The following CHRM1 variants were observed in gnomAD, a reference collection of about 807,000 sequenced individuals.
The protein encoded by CHRM1 is muscarinic acetylcholine receptor M1.
A neutral mutation model predicts 31.6 loss-of-function variants in CHRM1; 5 were observed. That is an observed-to-expected ratio of 0.16 (90% CI 0.08 to 0.33). The LOEUF (loss-of-function observed/expected upper bound fraction) is 0.33, where lower values mean the gene tolerates loss of function less well. CHRM1 is among the 10% of genes least tolerant of loss of function. CHRM1 has a pLI of 1.00. For synonymous variants in CHRM1, 227 were observed against 249.7 expected (o/e 0.91, Z 0.86); for missense variants, 338 against 610.3 (o/e 0.55, Z 4.70).
intron 1 of CHRM1, among the ~76,000 whole-genome samples, chr11:62,915,143 C>G (rs890219725): frequency 7.0e-6 from 1 of 143,366 alleles, no homozygotes; most frequent in Non-Finnish European, 1.5e-5. Context: ...CCACTGCACT[C>G]CAGCCTGGGT....
Position 62,920,011 on chromosome 11 carries a change from C to T in CHRM1, c.-79+1207G>A, listed in dbSNP as rs375411824. On this transcript the variant is annotated intron_variant, in intron 1 of 1. Coordinates refer to ENST00000306960, the MANE Select transcript of CHRM1 (RefSeq NM_000738.3). The stretch of plus-strand genomic sequence containing the variant: ...AACTCCAACCGCCAGCTGTCAGCTG[C>T]GAGCCAAGACCCACATCTTCTGCAG... Among the ~76,000 whole-genome samples, 6 of 152,322 alleles carry T rather than the reference C, an allele frequency of 3.9e-5. No individual in the cohort carries two copies. The East Asian group carries it at 7.7e-4, about 20-fold the overall frequency.
intron 1 of CHRM1, among the ~76,000 whole-genome samples, chr11:62,916,053 A>G (rs1942499): frequency 0.34 from 51,200 of 151,832 alleles, 8,964 homozygotes; most frequent in South Asian, 0.5. Context: ...CAGGTGATCC[A>G]CCTGCCTCGG....
chr11:62,913,911 C>G (rs182518639), intron 1 of CHRM1, among the ~76,000 whole-genome samples: 1 of 150,184 alleles, frequency 6.7e-6, no homozygotes, highest in African/African-American at 2.5e-5. Flanking sequence ...GTTGCGCGAT[C>G]TCGGCTCACT....
At chr11:62,920,048 A>G (rs1051243338) in intron 1 of CHRM1, among the ~76,000 whole-genome samples, 4 of 151,962 alleles carry the variant, frequency 2.6e-5, no homozygotes, top group African/African-American at 4.8e-5. Context: ...CCATTTCACT[A>G]TCTCCTTCCC....
chr11:62,909,579 C>T lies in CHRM1; in HGVS notation c.*139G>A. On this transcript the variant is annotated 3_prime_UTR_variant, in exon 2 of 2. Transcript: ENST00000306960. ...GGAAAGTTGGCAGGGTCTCTCTGGG[C>T]TGCCCAGGAAGGTGACCCAGGGTCC... 9.5e-7 allele frequency: 1 copy of T among 1,049,808 alleles called. No homozygotes were observed. Among genetic ancestry groups the T allele is most frequent in the Non-Finnish European group, 1.4e-6 (1 of 726,244 alleles). The allele number at this position is 1,049,808 out of a possible 1,614,324, so 65.0% of individuals were successfully genotyped here. A position where few individuals can be genotyped will look rare whatever the true frequency, so the allele number is the denominator to read the frequency against.
At position 62,909,530 on chromosome 11, in the gene CHRM1, C is replaced by T; in HGVS notation, c.*188G>A. 1 of 663,362 alleles carries T rather than the reference C, an allele frequency of 1.5e-6. No individual in the cohort carries two copies. Among genetic ancestry groups the T allele is most frequent in the Non-Finnish European group, 2.5e-6 (1 of 396,638 alleles). 41.1% of individuals were successfully genotyped at this position (663,362 alleles called of 1,614,324 possible). A position where few individuals can be genotyped will look rare whatever the true frequency, so the allele number is the denominator to read the frequency against. ...AAAAACCAGTTCCCCGGGTTTCCCT[C>T]CCTGCCTGGGAATAGCGAAGTCTGG... On this transcript the variant is annotated 3_prime_UTR_variant, in exon 2 of 2. Coordinates refer to ENST00000306960, the MANE Select transcript of CHRM1 (RefSeq NM_000738.3).
chr11:62,910,183 C>A lies in CHRM1; in HGVS notation c.918G>T (p.Met306Ile). The A allele has an allele frequency of 6.2e-7, 1 of 1,602,880 alleles. No individual in the cohort carries two copies. The highest frequency in any genetic ancestry group is 1.1e-5 in the South Asian group (1 of 88,992). Reference sequence around the variant, plus strand: ...TGGGGGCCTGTGCCTCGGGGTCCACCATTGGCATCTTGATCACCACTTCGG... The same window carrying A: ...TGGGGGCCTGTGCCTCGGGGTCCACAATTGGCATCTTGATCACCACTTCGG... ...PGSEVVIKMP[M>I]VDPEAQAPTK... Residue 306 changes from methionine (M) to isoleucine (I), a missense_variant, in exon 2 of 2, where the codon ATG becomes ATT. Transcript: ENST00000306960. The surrounding 1 kb of genome is among the most constrained non-coding windows in gnomAD (Gnocchi z 8.7).
Position 62,910,353 on chromosome 11 carries a change from C to G in CHRM1, c.748G>C (p.Gly250Arg). 6.2e-7 allele frequency: 1 copy of G among 1,609,774 alleles called. No individual in the cohort carries two copies. The highest frequency in any genetic ancestry group is 8.5e-7 in the Non-Finnish European group (1 of 1,179,970). Residue 250 changes from glycine to arginine, a missense_variant, in exon 2 of 2, where the codon GGC becomes CGC. By Grantham distance (125) the Gly-to-Arg change is moderately radical (BLOSUM62 -2). Around this residue, in one of 4 missense-constraint regions of CHRM1, gnomAD observed 183 missense variants for 223.4 expected, o/e 0.82. Coordinates refer to ENST00000306960, the MANE Select transcript of CHRM1 (RefSeq NM_000738.3). This position sits in a 1 kb window ranked among gnomAD's most constrained non-coding sequence, Gnocchi z 8.7. ...CGGCCTGGAGGAGTCTCTGGTGAGC[C>G]CTCAGCCCCTGGCTGAGACCTCTCT... ...SSERSQPGAEGSPETPPGRCC... is the reference protein window; with the variant it reads ...SSERSQPGAERSPETPPGRCC...
At chr11:62,918,836 G>A (rs1383550234) in intron 1 of CHRM1, among the ~76,000 whole-genome samples, 1 of 152,156 alleles carries the variant, frequency 6.6e-6, no homozygotes, top group Non-Finnish European at 1.5e-5. Flanking sequence ...AAAGGGAAAT[G>A]GGGAGAGGGA....
intron 1 of CHRM1, among the ~76,000 whole-genome samples, chr11:62,913,047 G>T (rs2085880423): frequency 6.6e-6 from 1 of 152,112 alleles, no homozygotes; most frequent in Non-Finnish European, 1.5e-5. Flanking sequence ...ACTGTGGCTG[G>T]CAGTGTGTGC....
Position 62,910,891 on chromosome 11 carries a change from A to G in CHRM1, c.210T>C (p.Ala70=), listed in dbSNP as rs143485653. Residue 70 remains alanine, a synonymous_variant, in exon 2 of 2, where the codon GCT becomes GCC. Coordinates refer to ENST00000306960, the MANE Select transcript of CHRM1 (RefSeq NM_000738.3). This position sits in a 1 kb window ranked among gnomAD's most constrained non-coding sequence, Gnocchi z 8.7. ...TGGAGAAGGTACCGATGATGAGGTCAGCACAGGCCAGGCTCAGCAGGAAGT... is the reference window on the plus strand; with the variant it reads ...TGGAGAAGGTACCGATGATGAGGTCGGCACAGGCCAGGCTCAGCAGGAAGT... ...NNYFLLSLAC[A]DLIIGTFSMN... 3 of 1,614,072 alleles carry G rather than the reference A, an allele frequency of 1.9e-6. No homozygotes were observed. The highest frequency in any genetic ancestry group is 2.5e-6 in the Non-Finnish European group (3 of 1,180,044).
At chr11:62,917,770 C>A (rs2085908375) in intron 1 of CHRM1, among the ~76,000 whole-genome samples, 1 of 152,146 alleles carries the variant, frequency 6.6e-6, no homozygotes, top group Non-Finnish European at 1.5e-5. Flanking sequence ...ATCACTAATA[C>A]TCCTTACACA....
At chr11:62,912,977 C>T (rs527686492) in intron 1 of CHRM1, among the ~76,000 whole-genome samples, 1 of 152,314 alleles carries the variant, frequency 6.6e-6, no homozygotes, top group Admixed American at 6.5e-5. Context: ...GCCGTGAACC[C>T]TCAGTGTGTA....
Position 62,910,711 on chromosome 11 carries a change from G to A in CHRM1, c.390C>T (p.Pro130=), listed in dbSNP as rs1304718114. ...SFDRYFSVTR[P]LSYRAKRTPR... ...GTGTGCGCTTGGCACGGTAGCTCAG[G>A]GGCCGAGTCACGGAGAAGTAGCGGT... is the stretch of plus-strand genomic sequence containing the variant. Residue 130 remains proline, a synonymous_variant, in exon 2 of 2, where the codon CCC becomes CCT. Coordinates refer to ENST00000306960, the MANE Select transcript of CHRM1 (RefSeq NM_000738.3). This position sits in a 1 kb window ranked among gnomAD's most constrained non-coding sequence, Gnocchi z 8.7. 3 of 1,614,170 alleles carry A rather than the reference G, an allele frequency of 1.9e-6. No individual in the cohort carries two copies. The highest frequency in any genetic ancestry group is 1.1e-5 in the South Asian group (1 of 91,084).
intron 1 of CHRM1, among the ~76,000 whole-genome samples, chr11:62,917,121 T>G (rs909694476): frequency 1.3e-5 from 2 of 152,216 alleles, no homozygotes; most frequent in Non-Finnish European, 2.9e-5. Context: ...TGTCCAAGTC[T>G]CCTTAACTGT....
At position 62,909,551 on chromosome 11, in the gene CHRM1, T is replaced by A; in HGVS notation, c.*167A>T. The A allele has an allele frequency of 1.3e-6, 1 of 767,400 alleles. No individual in the cohort carries two copies. The highest frequency in any genetic ancestry group is 2.1e-6 in the Non-Finnish European group (1 of 482,534). The allele number at this position is 767,400 out of a possible 1,614,324, so 47.5% of individuals were successfully genotyped here. On this transcript the variant is annotated 3_prime_UTR_variant, in exon 2 of 2. Coordinates refer to ENST00000306960, the MANE Select transcript of CHRM1 (RefSeq NM_000738.3). ...CCCTCCCTGCCTGGGAATAGCGAAG[T>A]CTGGAAAGTTGGCAGGGTCTCTCTG...
At chr11:62,917,360 C>T (rs1313177912) in intron 1 of CHRM1, among the ~76,000 whole-genome samples, 1 of 152,182 alleles carries the variant, frequency 6.6e-6, no homozygotes, top group African/African-American at 2.4e-5. Context: ...TTGCAGGGCA[C>T]GTCCTGTGAA....
rs1417086479 is a variant in CHRM1, at chr11:62,909,656, C to T, written c.*62G>A. On this transcript the variant is annotated 3_prime_UTR_variant, in exon 2 of 2. Transcript: ENST00000306960. ...GGCCCTGGGGCTGAGGATGCAGCCC[C>T]TGCCCTCTTCCCACCGGCCTTTCCC... 2.5e-6 allele frequency: 4 copies of T among 1,570,802 alleles called. No homozygotes were observed. In the African/African-American group the frequency reaches 4.0e-5, roughly 16 times the overall value.
intron 1 of CHRM1, chr11:62,920,888 G>A (rs994704994): frequency 6.6e-6 from 1 of 152,138 alleles, no homozygotes; most frequent in Non-Finnish European, 1.5e-5. Flanking sequence ...CCCCTAGGGT[G>A]TTGGGGGTTC....
Sources: gnomAD v4.1 joint callset for allele counts (sites outside exome capture counted in the v4.1 genomes callset) on GRCh38, gnomAD v4.1.1 for gene constraint, gnomAD v4.1.1 regional missense constraint, Gnocchi (gnomAD v3.1) non-coding constraint, MANE v1.5 for transcripts, NCBI Gene and HGNC (gene_info 2026-07-23, HGNC 2026-07-21) for gene names.